Variants in ADGRB2 observed in about 807,000 individuals in gnomAD.
ADGRB2 encodes the protein adhesion G protein-coupled receptor B2.
A neutral mutation model predicts 178.7 loss-of-function variants in ADGRB2; 47 were observed. That is an observed-to-expected ratio of 0.26 (90% CI 0.21 to 0.34). ADGRB2 has a LOEUF of 0.34. ADGRB2 is among the 10% of genes least tolerant of loss of function. The pLI is 1.00. For missense variants in ADGRB2, 1,584 were observed against 2,180.8 expected (o/e 0.73, Z 5.45); for synonymous variants, 870 against 912.4 (o/e 0.95, Z 0.84).
Position 31,741,322 on chromosome 1 carries a change from CAG to C in ADGRB2, c.1794+49_1794+50del. On this transcript the variant is annotated intron_variant, in intron 11 of 32. Coordinates refer to ENST00000373658, the MANE Select transcript of ADGRB2 (RefSeq NM_001364857.2). This position sits in a 1 kb window ranked among gnomAD's most constrained non-coding sequence, Gnocchi z 6.5. ...GAATCACGCTCCCTCCACCCCCTAG[CAG>C]AGTCTGAGACAGATTCTGCTGTGCC... 1 of 1,529,198 alleles carries C rather than the reference CAG, an allele frequency of 6.5e-7. No homozygotes were observed. The highest frequency in any genetic ancestry group is 8.9e-7 in the Non-Finnish European group (1 of 1,123,800). The allele number at this position is 1,529,198 out of a possible 1,614,324, so 94.7% of individuals were successfully genotyped here.
Position 31,740,109 on chromosome 1 carries a change from C to A in ADGRB2, c.2058+1G>T. The A allele has an allele frequency of 6.2e-7, 1 of 1,614,158 alleles. No individual in the cohort carries two copies. The highest frequency in any genetic ancestry group is 8.5e-7 in the Non-Finnish European group (1 of 1,180,014). On this transcript the variant is annotated splice_donor_variant, in intron 13 of 32. Coordinates refer to ENST00000373658, the MANE Select transcript of ADGRB2 (RefSeq NM_001364857.2). LOFTEE classifies it high-confidence loss of function. This position sits in a 1 kb window ranked among gnomAD's most constrained non-coding sequence, Gnocchi z 5.9. ...GAGAAGCTGGCAGCTGTGCCCCGCA[C>A]CTGCTGAGCATCGTCCCACTTCTCC...
chr1:31,733,919 C>G lies in ADGRB2; in HGVS notation c.3453-776G>C, dbSNP rs756158825. ...CATGAGGGACAGCCAGGCCACCATA[C>G]CCTCCCGGGCCAGGTGCCACACTCA... is the stretch of plus-strand genomic sequence containing the variant. On this transcript the variant is annotated intron_variant, in intron 25 of 32. Transcript: ENST00000373658. The surrounding 1 kb of genome is among the most constrained non-coding windows in gnomAD (Gnocchi z 4.3). Among the ~76,000 whole-genome samples the G allele has an allele frequency of 2.6e-5, 4 of 152,212 alleles. No homozygotes were observed. Among genetic ancestry groups the G allele is most frequent in the African/African-American group, 7.2e-5 (3 of 41,446 alleles).
chr1:31,727,255 AG>A lies in ADGRB2; in HGVS notation c.*164del. The A allele has an allele frequency of 6.1e-6, 5 of 815,718 alleles. No homozygotes were observed. Among genetic ancestry groups the A allele is most frequent in the Non-Finnish European group, 8.8e-6 (5 of 567,130 alleles). 50.5% of individuals were successfully genotyped at this position (815,718 alleles called of 1,614,324 possible). On this transcript the variant is annotated 3_prime_UTR_variant, in exon 33 of 33. Coordinates refer to ENST00000373658, the MANE Select transcript of ADGRB2 (RefSeq NM_001364857.2). The surrounding 1 kb of genome is among the most constrained non-coding windows in gnomAD (Gnocchi z 4.4). ...AAACAAGGAAGGGCCCTGGGACCCC[AG>A]GCCAAGCCATGTCCGGCTCCCCCAG...
Position 31,735,571 on chromosome 1 carries a change from C to G in ADGRB2, c.3353+9G>C. On this transcript the variant is annotated intron_variant, in intron 24 of 32. Transcript: ENST00000373658. This position sits in a 1 kb window ranked among gnomAD's most constrained non-coding sequence, Gnocchi z 6.0. ...CAGAAAGGCCAAGTCTCAGAGGCCC[C>G]CCCCTTACCCGGCCCTCTGCTTCTT... is the stretch of plus-strand genomic sequence containing the variant. The G allele has an allele frequency of 6.2e-7, 1 of 1,613,664 alleles. No homozygotes were observed. Among genetic ancestry groups the G allele is most frequent in the Non-Finnish European group, 8.5e-7 (1 of 1,179,586 alleles).
chr1:31,731,970 G>T, intron 28 of ADGRB2, 145 bp downstream of exon 28: 2 of 1,032,476 alleles, frequency 1.9e-6, no homozygotes, highest in Non-Finnish European at 2.9e-6. Context: ...GACATTCGCA[G>T]CCTTGCGTCC....
Position 31,727,835 on chromosome 1 carries a change from C to G in ADGRB2, c.4572+190G>C. 1 of 904,252 alleles carries G rather than the reference C, an allele frequency of 1.1e-6. No homozygotes were observed. The highest frequency in any genetic ancestry group is 1.6e-6 in the Non-Finnish European group (1 of 615,700). 56.0% of individuals were successfully genotyped at this position (904,252 alleles called of 1,614,324 possible). Reference sequence around the variant, plus strand: ...CCTGCTGACCACTCTCCCTCCCAATCCTGGAGGACCTCCACCCCTGTTCGC... The same window carrying G: ...CCTGCTGACCACTCTCCCTCCCAATGCTGGAGGACCTCCACCCCTGTTCGC... On this transcript the variant is annotated intron_variant, in intron 32 of 32. Transcript: ENST00000373658. This position sits in a 1 kb window ranked among gnomAD's most constrained non-coding sequence, Gnocchi z 4.4.
At position 31,756,261 on chromosome 1, in the gene ADGRB2, G is replaced by A. The variant is rs1313884888; in HGVS notation, c.576C>T (p.Asn192=). ...GCACACCACAGGTGAATTGGCTAGA[G>A]TTGTTGTTGTTGATGAGCAAGACCT... ...FVEVLLINNN[N]SSQFTCGVLC... The change falls in exon 4 of 33, where the codon AAC becomes AAT. Residue 192 remains asparagine, a synonymous_variant. Coordinates refer to ENST00000373658, the MANE Select transcript of ADGRB2 (RefSeq NM_001364857.2). This position sits in a 1 kb window ranked among gnomAD's most constrained non-coding sequence, Gnocchi z 8.5. The A allele has an allele frequency of 4.3e-6, 7 of 1,613,288 alleles. No homozygotes were observed. Among genetic ancestry groups the A allele is most frequent in the Non-Finnish European group, 5.9e-6 (7 of 1,179,938 alleles).
At position 31,740,535 on chromosome 1, in the gene ADGRB2, C is replaced by T; in HGVS notation, c.1801G>A (p.Glu601Lys). 2 of 1,603,020 alleles carry T rather than the reference C, an allele frequency of 1.2e-6. No individual in the cohort carries two copies. Among genetic ancestry groups the T allele is most frequent in the Non-Finnish European group, 1.7e-6 (2 of 1,174,522 alleles). Residue 601 changes from glutamate to lysine, a missense_variant, in exon 12 of 33, where the codon GAG becomes AAG. Coordinates refer to ENST00000373658, the MANE Select transcript of ADGRB2 (RefSeq NM_001364857.2). The surrounding 1 kb of genome is among the most constrained non-coding windows in gnomAD (Gnocchi z 5.9). ...EYRYLYLSLR[E>K]HLAKGQRMLA... is the part of the protein sequence containing the mutation. ...ATGCGCTGCCCCTTGGCCAGGTGCT[C>T]CCTAAGCTGTAGGTGATGAGGGGGC...
chr1:31,732,729 C>A, intron 26 of ADGRB2, 117 bp from the exon 27 acceptor site: 1 of 1,279,064 alleles, frequency 7.8e-7, no homozygotes. Context: ...ACACATCCAA[C>A]CTTGGGGAAG....
chr1:31,761,901 C>T lies in ADGRB2; in HGVS notation c.-191+1983G>A, dbSNP rs1407116718. On this transcript the variant is annotated intron_variant, in intron 1 of 32. Transcript: ENST00000373658. The surrounding 1 kb of genome is among the most constrained non-coding windows in gnomAD (Gnocchi z 4.2). ...TCTATACAAACAACCTAACTTCATT[C>T]TCCCAACAGCTATATGAGGCAGTGA... 6.6e-6 allele frequency among the ~76,000 whole-genome samples: 1 copy of T among 152,184 alleles called. No individual in the cohort carries two copies. The highest frequency in any genetic ancestry group is 1.5e-5 in the Non-Finnish European group (1 of 68,032).
chr1:31,763,860 C>A, intron 1 of ADGRB2, 24 bp downstream of exon 1: 1 of 984,980 alleles, frequency 1.0e-6, no homozygotes, highest in Non-Finnish European at 1.2e-6. Context: ...GAGGCCAGGT[C>A]GGGGTCTGGG....
chr1:31,739,594 C>T lies in ADGRB2; in HGVS notation c.2209G>A (p.Asp737Asn). The change falls in exon 15 of 33, where the codon GAC (aspartate) becomes AAC (asparagine). Residue 737 changes from aspartate to asparagine, a missense_variant. Asp to Asn is a conservative substitution (Grantham distance 23, BLOSUM62 1). This residue lies in a region of ADGRB2 where 865 missense variants were observed against 1,192.8 expected (regional missense o/e 0.73). Transcript: ENST00000373658. ...CGGCCCCGCATGGGGAACGTGATGT[C>T]ACTGGACACAGCTGAGACGGGCTCT... ...QREPVSAVSSDITFPMRGRRG... is the reference protein window; with the variant it reads ...QREPVSAVSSNITFPMRGRRG... 2.5e-6 allele frequency: 4 copies of T among 1,607,696 alleles called. No homozygotes were observed. Among genetic ancestry groups the T allele is most frequent in the Non-Finnish European group, 3.4e-6 (4 of 1,176,796 alleles).
rs762364330 is a variant in ADGRB2 at position 31,735,471 on chromosome 1, T to C, written c.3353+109A>G. 42 of 1,415,810 alleles carry C rather than the reference T, an allele frequency of 3.0e-5. No individual in the cohort carries two copies. In the Admixed American group the frequency reaches 4.9e-4, roughly 16 times the overall value. The allele number at this position is 1,415,810 out of a possible 1,614,324, so 87.7% of individuals were successfully genotyped here. A position where few individuals can be genotyped will look rare whatever the true frequency, so the allele number is the denominator to read the frequency against. On this transcript the variant is annotated intron_variant, in intron 24 of 32. Coordinates refer to ENST00000373658, the MANE Select transcript of ADGRB2 (RefSeq NM_001364857.2). This position sits in a 1 kb window ranked among gnomAD's most constrained non-coding sequence, Gnocchi z 6.0. ...TGCCTGCAACCTTGATGCACCAAGG[T>C]TGGGGAGCCCCGGTCGCATCATCGA...
rs1469377375 is a variant in ADGRB2, at chr1:31,754,726, G to T, written c.838+1273C>A. Among the ~76,000 whole-genome samples, 1 of 152,196 alleles carries T rather than the reference G, an allele frequency of 6.6e-6. No homozygotes were observed. The highest frequency in any genetic ancestry group is 2.4e-5 in the African/African-American group (1 of 41,450). Reference sequence around the variant, plus strand: ...AAGAAGGCCCCCATCGAAAGTACTGGGTTAGGCTACTTTCAAGATAACTAC... The same window carrying T: ...AAGAAGGCCCCCATCGAAAGTACTGTGTTAGGCTACTTTCAAGATAACTAC... On this transcript the variant is annotated intron_variant, in intron 4 of 32. Coordinates refer to ENST00000373658, the MANE Select transcript of ADGRB2 (RefSeq NM_001364857.2). The surrounding 1 kb of genome is among the most constrained non-coding windows in gnomAD (Gnocchi z 5.7).
intron 29 of ADGRB2, among the ~76,000 whole-genome samples, chr1:31,729,757 C>T (rs570511114): frequency 2.0e-5 from 3 of 152,364 alleles, no homozygotes; most frequent in South Asian, 2.1e-4. Flanking sequence ...GCCTGATGTC[C>T]GCCCTCAACA....
In ADGRB2 at chr1:31,738,602, C is replaced by T; in HGVS notation, c.2630G>A (p.Trp877Ter). 6.2e-7 allele frequency: 1 copy of T among 1,611,148 alleles called. No individual in the cohort carries two copies. The highest frequency in any genetic ancestry group is 8.5e-7 in the Non-Finnish European group (1 of 1,178,648). The change falls in exon 17 of 33, where the codon TGG (tryptophan) becomes TAG (stop). Residue 877 changes from tryptophan to a stop codon, truncating the protein, a stop_gained. Transcript: ENST00000373658. LOFTEE classifies it high-confidence loss of function. ...CCCAACTCACGCTCTGGAGTAGTCC[C>T]AGCTGGCGCAATGGGGATCCGTGGT... ...NGTTDPHCASWDYSRADASSG... is the reference protein window; with the variant it reads ...NGTTDPHCAS
chr1:31,740,677 G>C lies in ADGRB2; in HGVS notation c.1795-136C>G. On this transcript the variant is annotated intron_variant, in intron 11 of 32. Transcript: ENST00000373658. This position sits in a 1 kb window ranked among gnomAD's most constrained non-coding sequence, Gnocchi z 5.9. ...GGAAAAGGTCAGAGAGGCTCAAAGGGGCACACAGGGGAGACAGAGTCCGAG... is the reference window on the plus strand; with the variant it reads ...GGAAAAGGTCAGAGAGGCTCAAAGGCGCACACAGGGGAGACAGAGTCCGAG... 2 of 859,090 alleles carry C rather than the reference G, an allele frequency of 2.3e-6. No homozygotes were observed. Among genetic ancestry groups the C allele is most frequent in the South Asian group, 3.8e-5 (2 of 52,546 alleles). 53.2% of individuals were successfully genotyped at this position (859,090 alleles called of 1,614,324 possible).
intron 18 of ADGRB2, 136 bp downstream of exon 18, chr1:31,738,064 C>G (rs1383378199): frequency 1.5e-6 from 2 of 1,330,230 alleles, no homozygotes; most frequent in East Asian, 2.5e-5. Flanking sequence ...GCACAGACAT[C>G]CACGTACAAT....
In ADGRB2 at chr1:31,728,938, C is replaced by T. The variant is rs923195603; in HGVS notation, c.4381-305G>A. 1.3e-5 allele frequency among the ~76,000 whole-genome samples: 2 copies of T among 152,114 alleles called. No individual in the cohort carries two copies. The highest frequency in any genetic ancestry group is 3.9e-4 in the East Asian group (2 of 5,176). Reference sequence around the variant, plus strand: ...TGCTCATTCTCTGTGCCCTAGAGCCCACCCTGCATCCTTCCCCATCTTGCC... The same window carrying T: ...TGCTCATTCTCTGTGCCCTAGAGCCTACCCTGCATCCTTCCCCATCTTGCC... On this transcript the variant is annotated intron_variant, in intron 29 of 32. Coordinates refer to ENST00000373658, the MANE Select transcript of ADGRB2 (RefSeq NM_001364857.2). This position sits in a 1 kb window ranked among gnomAD's most constrained non-coding sequence, Gnocchi z 6.7.
Sources: allele counts gnomAD v4.1 joint callset (sites outside exome capture counted in the v4.1 genomes callset), GRCh38; gene constraint gnomAD v4.1.1; regional missense constraint gnomAD v4.1.1; non-coding constraint Gnocchi (gnomAD v3.1); transcripts MANE v1.5; gene names NCBI Gene and HGNC (gene_info 2026-07-23, HGNC 2026-07-21).